The following VWA3B variants were observed in gnomAD, a reference collection of about 807,000 sequenced individuals.
VWA3B encodes the protein von Willebrand factor A domain-containing protein 3B.
Under a neutral mutation model 158.3 loss-of-function variants are expected in VWA3B, and 138 were observed. The observed-to-expected ratio is 0.87, with a 90% CI of 0.76 to 1.00. VWA3B has a LOEUF of 1.00. Among genes scored for constraint, VWA3B ranks in the 50% least tolerant of loss-of-function variants. The pLI, the probability that VWA3B is intolerant of heterozygous loss-of-function variation, is 0.00. For synonymous variants in VWA3B, 596 were observed against 587.3 expected, an observed-to-expected ratio of 1.01 and a Z score of -0.21; for missense variants, 1,555 against 1,565.1, an observed-to-expected ratio of 0.99 and a Z score of 0.11.
rs1160651329 is a variant in VWA3B, at chr2:98,132,390, CCT to C, written c.873-1433_873-1432del. Among the ~76,000 whole-genome samples the C allele has an allele frequency of 2.0e-5, 3 of 152,316 alleles. No individual in the cohort carries two copies. In the East Asian group the frequency reaches 5.8e-4, roughly 29 times the overall value. On this transcript the variant is annotated intron_variant, in intron 6 of 27. Coordinates refer to ENST00000477737, the MANE Select transcript of VWA3B (RefSeq NM_144992.5). ...TATTCTCCAGCTGCAAGTGGCATGT[CCT>C]GAGTGTCTCAGGTTGCAGGAGGCTG...
chr2:98,218,347 A>G (rs993538810), intron 14 of VWA3B, among the ~76,000 whole-genome samples: 5 of 152,194 alleles, frequency 3.3e-5, no homozygotes, highest in Non-Finnish European at 2.9e-5. Context: ...AGTTTCAAAT[A>G]TTACACAAAA....
chr2:98,248,492 T>C (rs527772468), intron 19 of VWA3B, among the ~76,000 whole-genome samples: 1 of 152,276 alleles, frequency 6.6e-6, no homozygotes, highest in South Asian at 2.1e-4. Flanking sequence ...GTTGTAGATA[T>C]CACAGATTCA....
In VWA3B at chr2:98,223,944, T is replaced by C. The variant is rs558002286; in HGVS notation, c.2020-4258T>C. On this transcript the variant is annotated intron_variant, in intron 14 of 27. Transcript: ENST00000477737. ...GGTCACACTATGTCGCCCAGGCTGGTCTTGAACTCCTGGCCTCAAGCAGTC... is the reference window on the plus strand; with the variant it reads ...GGTCACACTATGTCGCCCAGGCTGGCCTTGAACTCCTGGCCTCAAGCAGTC... 1.6e-4 allele frequency among the ~76,000 whole-genome samples: 25 copies of C among 152,198 alleles called. No individual in the cohort carries two copies. The South Asian group carries it at 5.0e-3, about 30-fold the overall frequency.
intron 19 of VWA3B, among the ~76,000 whole-genome samples, chr2:98,241,428 G>C (rs1057036227): frequency 1.9e-4 from 29 of 151,870 alleles, no homozygotes; most frequent in African/African-American, 6.8e-4. Context: ...GAGGCGGGCA[G>C]TCAGGAGGCA....
At position 98,236,610 on chromosome 2, in the gene VWA3B, C is replaced by T; in HGVS notation, c.2553C>T (p.Thr851=). ...SDVSSENWLK[T]YGLVAKKLTL... is the part of the protein sequence containing the mutation. ...TGTCTTCAGAAAACTGGCTGAAGAC[C>T]TATGGCTTGGTCGCCAAGAAACTCA... Residue 851 remains threonine, a synonymous_variant, in exon 19 of 28, where the codon ACC becomes ACT. Transcript: ENST00000477737. The T allele has an allele frequency of 6.2e-7, 1 of 1,614,176 alleles. No homozygotes were observed. Among genetic ancestry groups the T allele is most frequent in the Non-Finnish European group, 8.5e-7 (1 of 1,180,024 alleles).
intron 21 of VWA3B, among the ~76,000 whole-genome samples, chr2:98,265,356 C>T (rs1349946781): frequency 4.6e-5 from 7 of 151,510 alleles, no homozygotes; most frequent in African/African-American, 1.7e-4. Flanking sequence ...ATCCATGTCC[C>T]TACAAAGGAC....
At chr2:98,316,212 A>C (rs1006436211), downstream of VWA3B, among the ~76,000 whole-genome samples, 4 of 152,252 alleles carry the variant, frequency 2.6e-5, no homozygotes, top group African/African-American at 9.6e-5. Context: ...TAGGAGAGCT[A>C]AAACAAGAAG....
intron 25 of VWA3B, among the ~76,000 whole-genome samples, chr2:98,302,478 A>G (rs1390884280): frequency 6.6e-6 from 1 of 152,254 alleles, no homozygotes; most frequent in South Asian, 2.1e-4. Flanking sequence ...ACGACTTAAC[A>G]TGCCTGGAAA....
intron 22 of VWA3B, among the ~76,000 whole-genome samples, chr2:98,285,295 C>G (rs1285357670): frequency 1.3e-5 from 2 of 152,060 alleles, no homozygotes; most frequent in Non-Finnish European, 2.9e-5. Flanking sequence ...GGATAATATT[C>G]CATTGTATGG....
At chr2:98,316,455 C>A (rs372571185), downstream of VWA3B, among the ~76,000 whole-genome samples, 49 of 152,062 alleles carry the variant, frequency 3.2e-4, no homozygotes, top group East Asian at 5.2e-3. Context: ...CCAGCCTGGG[C>A]AACATGGCAA....
chr2:98,236,802 T>A, intron 19 of VWA3B, 72 bp downstream of exon 19: 1 of 1,535,372 alleles, frequency 6.5e-7, no homozygotes, highest in Non-Finnish European at 8.8e-7. Context: ...GTAGTCCAAT[T>A]TCTTGTGTGG....
At chr2:98,163,086 A>T in intron 8 of VWA3B, 110 bp downstream of exon 8, 2 of 1,505,056 alleles carry the variant, frequency 1.3e-6, no homozygotes, top group Non-Finnish European at 1.8e-6. Flanking sequence ...CCCAGCTGCG[A>T]GGGGCTGCTG....
chr2:98,101,062 C>T (rs532211127), intron 2 of VWA3B, among the ~76,000 whole-genome samples: 5 of 152,168 alleles, frequency 3.3e-5, no homozygotes, highest in Non-Finnish European at 7.4e-5. Flanking sequence ...TACTGATAGC[C>T]CAGCCAATGT....
intron 12 of VWA3B, among the ~76,000 whole-genome samples, chr2:98,202,394 G>C (rs1447464692): frequency 1.3e-5 from 2 of 151,882 alleles, no homozygotes; most frequent in Non-Finnish European, 2.9e-5. Context: ...TTTTTTCTTG[G>C]TTAGTTTGAA....
intron 12 of VWA3B, among the ~76,000 whole-genome samples, chr2:98,210,467 C>G (rs1683417252): frequency 6.6e-6 from 1 of 152,206 alleles, no homozygotes; most frequent in Non-Finnish European, 1.5e-5. Flanking sequence ...TAGGTTATGT[C>G]TCAGATCTAT....
intron 7 of VWA3B, among the ~76,000 whole-genome samples, chr2:98,161,175 G>T (rs534060283): frequency 3.3e-5 from 5 of 152,326 alleles, no homozygotes; most frequent in Admixed American, 3.3e-4. Flanking sequence ...GGGCTTTTCG[G>T]TGTATTTGGT....
chr2:98,259,183 A>T (rs147316210), intron 21 of VWA3B, among the ~76,000 whole-genome samples: 28 of 151,774 alleles, frequency 1.8e-4, no homozygotes, highest in African/African-American at 6.8e-4. Flanking sequence ...TTTTATTAAG[A>T]ATATTTATGT....
At chr2:98,330,525 C>T in the VWA3B span, among the ~76,000 whole-genome samples, 6 of 152,182 alleles carry the variant, frequency 3.9e-5, no homozygotes, top group African/African-American at 1.4e-4. Context: ...GGTGCCTTTG[C>T]TCCCTGGGCA....
the VWA3B span, among the ~76,000 whole-genome samples, chr2:98,321,341 A>T: frequency 6.6e-6 from 1 of 152,216 alleles, no homozygotes; most frequent in Non-Finnish European, 1.5e-5. Flanking sequence ...CTACTGAGGC[A>T]TTGCCTAGTG....
Sources: gnomAD v4.1 joint callset for allele counts (sites outside exome capture counted in the v4.1 genomes callset) on GRCh38, gnomAD v4.1.1 for gene constraint, MANE v1.5 for transcripts, NCBI Gene and HGNC (gene_info 2026-07-23, HGNC 2026-07-21) for gene names.